POR: variants seen among roughly 807,000 people sequenced by gnomAD.
POR encodes NADPH--cytochrome P450 reductase.
A neutral mutation model predicts 84.0 loss-of-function variants in POR; 56 were observed. The ratio of observed to expected loss-of-function variants is 0.67; its 90% CI spans 0.54 to 0.83. The LOEUF (loss-of-function observed/expected upper bound fraction) is 0.83, where lower values mean the gene tolerates loss of function less well. Ranked by LOEUF, POR falls within the 40% of genes least tolerant of loss-of-function variation. The pLI, the probability that POR is intolerant of heterozygous loss-of-function variation, is 0.00. For missense variants in POR, 938 were observed against 944.3 expected, an observed-to-expected ratio of 0.99 and a Z score of 0.09; for synonymous variants, 414 against 400.5, an observed-to-expected ratio of 1.03 and a Z score of -0.40.
At chr7:75,974,865 T>C (rs1237706628) in intron 3 of POR, among the ~76,000 whole-genome samples, 1 of 152,144 alleles carries the variant, frequency 6.6e-6, no homozygotes, top group Non-Finnish European at 1.5e-5. Context: ...CTTCACATCT[T>C]TTGCCTGCTT....
intron 1 of POR, among the ~76,000 whole-genome samples, chr7:75,927,934 A>G (rs1166955068): frequency 2.0e-5 from 3 of 147,842 alleles, no homozygotes; most frequent in Non-Finnish European, 3.0e-5. Context: ...GGCCTGAGGC[A>G]TGAGCCACTG....
chr7:75,953,067 G>A (rs970122255), intron 1 of POR, among the ~76,000 whole-genome samples: 3 of 152,166 alleles, frequency 2.0e-5, no homozygotes, highest in East Asian at 1.9e-4. Context: ...CTGCAATCCC[G>A]GCACCTCGGG....
At chr7:75,922,911 A>T (rs1806947263) in intron 1 of POR, 2 of 650,432 alleles carry the variant, frequency 3.1e-6, no homozygotes, top group African/African-American at 3.7e-5. Context: ...AACGACTGGA[A>T]TCATTCCTAC....
intron 1 of POR, among the ~76,000 whole-genome samples, chr7:75,953,347 T>C (rs1787538330): frequency 7.0e-6 from 1 of 141,948 alleles, no homozygotes; most frequent in South Asian, 2.3e-4. Context: ...GGGACCAGAC[T>C]TTGTCTCTTA....
At chr7:75,986,112 G>A (rs1159419857) in intron 14 of POR, 44 bp downstream of exon 14, 1 of 1,581,396 alleles carries the variant, frequency 6.3e-7, no homozygotes, top group Non-Finnish European at 8.6e-7. Context: ...GAGGCTGGCA[G>A]GGCCACAGCC....
In POR at chr7:75,972,466, G is replaced by A. The variant is rs1554556326; in HGVS notation, c.237+5G>A. On this transcript the variant is annotated splice_donor_5th_base_variant and intron_variant, in intron 3 of 15. Transcript: ENST00000461988. ...GTGGAAAAGATGAAGAAAACGGTGA[G>A]TTTCCTGCATGTCTTTACTCTTCTC... The A allele has an allele frequency of 1.2e-6, 2 of 1,602,332 alleles. No homozygotes were observed. Among genetic ancestry groups the A allele is most frequent in the South Asian group, 2.3e-5 (2 of 88,734 alleles).
At chr7:75,925,552 C>G (rs782253037) in intron 1 of POR, among the ~76,000 whole-genome samples, 1 of 152,066 alleles carries the variant, frequency 6.6e-6, no homozygotes, top group Non-Finnish European at 1.5e-5. Flanking sequence ...AGTGCTTTTC[C>G]CTGGGCCTTT....
intron 1 of POR, among the ~76,000 whole-genome samples, chr7:75,944,836 TCACCTAACCTAAACAA>T (rs1456684331): frequency 6.6e-6 from 1 of 151,960 alleles, no homozygotes; most frequent in Non-Finnish European, 1.5e-5. Context: ...GCAGTAGAAA[TCACCTAACCTAAACAA>T]CAGAAAATAG....
chr7:75,972,323 G>T, intron 2 of POR, 90 bp from the exon 3 acceptor site: 1 of 1,183,458 alleles, frequency 8.4e-7, no homozygotes, highest in South Asian at 1.3e-5. Context: ...AGCATCCCAT[G>T]AAACCTGCAT....
chr7:75,985,550 C>A, intron 12 of POR, 29 bp from the exon 13 acceptor site: 1 of 1,501,504 alleles, frequency 6.7e-7, no homozygotes, highest in South Asian at 1.4e-5. Flanking sequence ...CTCGGTGTGG[C>A]GGTGGAGCTC....
rs781794995 is a variant in POR at position 75,985,794 on chromosome 7, C to G, written c.1614C>G (p.Thr538=). ...CTGTCATCATGGTGGGCCCCGGCAC[C>G]GGGGTGGCACCCTTCATAGGCTTCA... Residue 538 remains threonine, a synonymous_variant, in exon 13 of 16, where the codon ACC becomes ACG. Transcript: ENST00000461988. The G allele has an allele frequency of 6.4e-7, 1 of 1,567,140 alleles. No individual in the cohort carries two copies. Among genetic ancestry groups the G allele is most frequent in the Admixed American group, 1.9e-5 (1 of 53,406 alleles).
At chr7:75,968,313 G>A (rs1554555645) in intron 2 of POR, 1 of 467,382 alleles carries the variant, frequency 2.1e-6, no homozygotes, top group South Asian at 1.6e-5. Flanking sequence ...CCTGTCTCTG[G>A]CGAGGGACTC....
chr7:75,957,672 A>C (rs554426714), intron 2 of POR, among the ~76,000 whole-genome samples: 1 of 152,238 alleles, frequency 6.6e-6, no homozygotes, highest in South Asian at 2.1e-4. Flanking sequence ...GTCCCAAAGC[A>C]CTTGTATTTT....
intron 1 of POR, among the ~76,000 whole-genome samples, chr7:75,948,404 T>G (rs1787270543): frequency 6.6e-6 from 1 of 152,172 alleles, no homozygotes; most frequent in Non-Finnish European, 1.5e-5. Context: ...CTGCAGGAAG[T>G]CAGTCACAGC....
intron 1 of POR, among the ~76,000 whole-genome samples, chr7:75,932,347 A>C (rs1807462617): frequency 6.6e-6 from 1 of 152,016 alleles, no homozygotes; most frequent in East Asian, 1.9e-4. Flanking sequence ...CGCCCAGCTA[A>C]TTGTTGTATT....
rs2116640937 is a variant in POR, at chr7:75,986,560, G to GTGTT, written c.*82_*85dup. The GTGTT allele has an allele frequency of 1.3e-6, 2 of 1,527,618 alleles. No homozygotes were observed. Among genetic ancestry groups the GTGTT allele is most frequent in the Admixed American group, 3.9e-5 (2 of 51,716 alleles). 94.6% of individuals were successfully genotyped at this position (1,527,618 alleles called of 1,614,324 possible). On this transcript the variant is annotated 3_prime_UTR_variant, in exon 16 of 16. Coordinates refer to ENST00000461988, the MANE Select transcript of POR (RefSeq NM_000941.3). Reference sequence around the variant, plus strand: ...GGCTCCCTCCCGTAGTCTCCTGGGTGTGTTTGGCTTGGCCTTGGCATGGGC... The same window carrying GTGTT: ...GGCTCCCTCCCGTAGTCTCCTGGGTGTGTTTGTTTGGCTTGGCCTTGGCATGGGC...
At chr7:75,978,394 TTTACA>T (rs1563428252) in intron 3 of POR, among the ~76,000 whole-genome samples, 2 of 152,114 alleles carry the variant, frequency 1.3e-5, no homozygotes, top group African/African-American at 2.4e-5. Flanking sequence ...TTACAGAGAA[TTTACA>T]TTACATTAAG....
At chr7:75,947,707 C>T (rs1268230014) in intron 1 of POR, among the ~76,000 whole-genome samples, 4 of 152,096 alleles carry the variant, frequency 2.6e-5, no homozygotes, top group East Asian at 1.9e-4. Context: ...GTAGTTATTG[C>T]GCCCTGGATT....
rs929777906 is a variant in POR, at chr7:75,967,773, G to T, written c.189-4640G>T. 54 of 301,680 alleles carry T rather than the reference G, an allele frequency of 1.8e-4. 1 individual carries two copies. Among genetic ancestry groups the T allele is most frequent in the Non-Finnish European group, 4.1e-5 (6 of 146,944 alleles). 18.7% of individuals were successfully genotyped at this position (301,680 alleles called of 1,614,324 possible). A position where few individuals can be genotyped will look rare whatever the true frequency, so the allele number is the denominator to read the frequency against. ...CTCGGTCCATACAGAGGGAGGAGGGGTGTGTGCCCGGTGCAGGGACTCATG... is the reference window on the plus strand; with the variant it reads ...CTCGGTCCATACAGAGGGAGGAGGGTTGTGTGCCCGGTGCAGGGACTCATG... On this transcript the variant is annotated intron_variant, in intron 2 of 15. Transcript: ENST00000461988.
Sources: gnomAD v4.1 joint callset for allele counts (sites outside exome capture counted in the v4.1 genomes callset) on GRCh38, gnomAD v4.1.1 for gene constraint, MANE v1.5 for transcripts, NCBI Gene and HGNC (gene_info 2026-07-23, HGNC 2026-07-21) for gene names.